NDUFAF2: variants seen among roughly 807,000 people sequenced by gnomAD.
NDUFAF2 encodes NADH:ubiquinone oxidoreductase complex assembly factor 2.
In NDUFAF2, 13 loss-of-function variants were observed where a neutral mutation model predicts 22.8. That is an observed-to-expected ratio of 0.57 (90% CI 0.37 to 0.91). The LOEUF (loss-of-function observed/expected upper bound fraction) is 0.91. Among genes scored for constraint, NDUFAF2 ranks in the 40% least tolerant of loss-of-function variants. NDUFAF2 has a pLI of 0.01. For synonymous variants in NDUFAF2, 53 were observed against 64.2 expected (o/e 0.83, Z 0.84); for missense variants, 162 against 195.2 (o/e 0.83, Z 1.01).
intron 3 of NDUFAF2, among the ~76,000 whole-genome samples, chr5:61,122,534 A>G (rs1231822664): frequency 1.3e-5 from 2 of 152,182 alleles, no homozygotes; most frequent in Non-Finnish European, 2.9e-5. Flanking sequence ...ATTTGTGTTT[A>G]TGAATACTTC....
chr5:60,981,455 A>G (rs1750976228), intron 1 of NDUFAF2, among the ~76,000 whole-genome samples: 1 of 152,234 alleles, frequency 6.6e-6, no homozygotes, highest in Admixed American at 6.5e-5. Context: ...TGTGAAAGAA[A>G]AGGACATTAA....
At position 61,089,007 on chromosome 5, in the gene NDUFAF2, C is replaced by T. The variant is rs189573873; in HGVS notation, c.218-9985C>T. On this transcript the variant is annotated intron_variant, in intron 2 of 3. Coordinates refer to ENST00000296597, the MANE Select transcript of NDUFAF2 (RefSeq NM_174889.5). ...CATTTACTTTAGCCTCTATTGACAA[C>T]GCTTCTAAAGGTGTACTTGCCATTT... Among the ~76,000 whole-genome samples, 14 of 152,160 alleles carry T rather than the reference C, an allele frequency of 9.2e-5. No individual in the cohort carries two copies. The South Asian group carries it at 1.2e-3, about 14-fold the overall frequency.
chr5:61,060,547 A>G (rs1231132955), intron 1 of NDUFAF2, among the ~76,000 whole-genome samples: 2 of 152,188 alleles, frequency 1.3e-5, no homozygotes, highest in African/African-American at 2.4e-5. Context: ...GACATCAGTC[A>G]GACTATAAGG....
At chr5:61,029,858 ATCT>A (rs906076967) in intron 1 of NDUFAF2, among the ~76,000 whole-genome samples, 2 of 152,140 alleles carry the variant, frequency 1.3e-5, no homozygotes, top group African/African-American at 4.8e-5. Flanking sequence ...AGCTAGCCCA[ATCT>A]TCTTTTCACA....
intron 3 of NDUFAF2, among the ~76,000 whole-genome samples, chr5:61,138,807 A>G (rs1434339672): frequency 2.6e-5 from 4 of 152,214 alleles, no homozygotes; most frequent in African/African-American, 9.6e-5. Flanking sequence ...GAAGGAAAAT[A>G]TGGTGGAGGC....
At chr5:60,947,887 A>G (rs1439730692) in intron 1 of NDUFAF2, among the ~76,000 whole-genome samples, 1 of 151,934 alleles carries the variant, frequency 6.6e-6, no homozygotes, top group Non-Finnish European at 1.5e-5. Context: ...AGTCATGTCT[A>G]TTCTACAATA....
At chr5:61,062,646 G>A (rs1752179213) in intron 1 of NDUFAF2, among the ~76,000 whole-genome samples, 1 of 152,116 alleles carries the variant, frequency 6.6e-6, no homozygotes, top group Admixed American at 6.6e-5. Context: ...ATTTAATGAA[G>A]TAATTGCTGA....
At chr5:61,017,169 A>C (rs1358937252) in intron 1 of NDUFAF2, among the ~76,000 whole-genome samples, 1 of 152,220 alleles carries the variant, frequency 6.6e-6, no homozygotes, top group Admixed American at 6.5e-5. Flanking sequence ...AGTAAGTTCT[A>C]AAATAACTGA....
At chr5:60,961,029 T>A (rs1452400238) in intron 1 of NDUFAF2, among the ~76,000 whole-genome samples, 2 of 152,092 alleles carry the variant, frequency 1.3e-5, no homozygotes, top group African/African-American at 4.8e-5. Flanking sequence ...TCTTGTAAAA[T>A]AAATTATTAT....
intron 1 of NDUFAF2, among the ~76,000 whole-genome samples, chr5:61,070,383 CA>C (rs773829739): frequency 3.3e-5 from 5 of 151,004 alleles, no homozygotes; most frequent in Non-Finnish European, 7.4e-5. Context: ...GTATTTATTC[CA>C]AAAAAAGGGA....
intron 3 of NDUFAF2, among the ~76,000 whole-genome samples, chr5:61,147,402 C>A (rs1479581161): frequency 1.5e-5 from 2 of 134,414 alleles, no homozygotes; most frequent in African/African-American, 5.3e-5. Flanking sequence ...CTGCATGCCA[C>A]CAGGCCTGGC....
intron 1 of NDUFAF2, among the ~76,000 whole-genome samples, chr5:60,961,343 C>G (rs1234506185): frequency 6.6e-6 from 1 of 152,042 alleles, no homozygotes; most frequent in African/African-American, 2.4e-5. Flanking sequence ...CGCCTGTAAT[C>G]CCAGCACTTT....
chr5:61,052,412 G>A (rs952305038), intron 1 of NDUFAF2, among the ~76,000 whole-genome samples: 3 of 152,062 alleles, frequency 2.0e-5, no homozygotes, highest in African/African-American at 4.8e-5. Context: ...CCGGGTTCTC[G>A]CCATTCTCTT....
In NDUFAF2 at chr5:61,043,529, T is replaced by A. The variant is rs375673897; in HGVS notation, c.128-29596T>A. Among the ~76,000 whole-genome samples, 8 of 152,106 alleles carry A rather than the reference T, an allele frequency of 5.3e-5. No individual in the cohort carries two copies. The South Asian group carries it at 8.3e-4, about 16-fold the overall frequency. Reference sequence around the variant, plus strand: ...TTCTGGTACCCACAATTTAGCTCTGTTTCTATGATTTTGAGCTTTTTACAC... The same window carrying A: ...TTCTGGTACCCACAATTTAGCTCTGATTCTATGATTTTGAGCTTTTTACAC... On this transcript the variant is annotated intron_variant, in intron 1 of 3. Transcript: ENST00000296597.
At chr5:61,053,393 A>C (rs943977930) in intron 1 of NDUFAF2, among the ~76,000 whole-genome samples, 3 of 152,236 alleles carry the variant, frequency 2.0e-5, no homozygotes, top group African/African-American at 4.8e-5. Context: ...GATATGCACC[A>C]TCTCCATAAC....
intron 3 of NDUFAF2, among the ~76,000 whole-genome samples, chr5:61,105,142 C>G (rs934513049): frequency 1.3e-4 from 19 of 151,698 alleles, no homozygotes; most frequent in South Asian, 6.2e-4. Flanking sequence ...TCAGATGTTA[C>G]TGGCCCTGCA....
intron 1 of NDUFAF2, among the ~76,000 whole-genome samples, chr5:61,000,090 A>G (rs1377819706): frequency 1.3e-5 from 2 of 152,130 alleles, no homozygotes; most frequent in Non-Finnish European, 2.9e-5. Context: ...TTGATTGCTG[A>G]GGAGTTTAAT....
At chr5:60,972,773 G>GTTTTTTTTTTTTTTTTGTTTTTTTTTT (rs35076688) in intron 1 of NDUFAF2, among the ~76,000 whole-genome samples, 2 of 103,888 alleles carry the variant, frequency 1.9e-5, no homozygotes, top group African/African-American at 7.8e-5. Context: ...TGTGTATTCT[G>GTTTTTTTTTTTTTTTTGTTTTTTTTTT]TTTTTTTTTT....
chr5:61,064,289 A>G (rs921667518), intron 1 of NDUFAF2, among the ~76,000 whole-genome samples: 5 of 152,134 alleles, frequency 3.3e-5, no homozygotes, highest in Admixed American at 6.6e-5. Flanking sequence ...TAGCAATACT[A>G]TAAGAGTAGG....
Sources: gnomAD v4.1 joint callset for allele counts (sites outside exome capture counted in the v4.1 genomes callset) on GRCh38, gnomAD v4.1.1 for gene constraint, MANE v1.5 for transcripts, NCBI Gene and HGNC (gene_info 2026-07-23, HGNC 2026-07-21) for gene names.